FARP1: variants seen among roughly 807,000 people sequenced by gnomAD.
The protein encoded by FARP1 is FERM, ARH/RhoGEF and pleckstrin domain protein 1, also known as FERM, ARHGEF and pleckstrin domain-containing protein 1.
FARP1 carries 52 observed loss-of-function variants against 128.8 expected under a neutral mutation model. The ratio of observed to expected loss-of-function variants is 0.40; its 90% CI spans 0.32 to 0.51. The LOEUF is 0.51. Ranked by LOEUF, FARP1 falls within the 20% of genes least tolerant of loss-of-function variation. The pLI, the probability that FARP1 is intolerant of heterozygous loss-of-function variation, is 0.45. For missense variants in FARP1, 1,333 were observed against 1,367.9 expected, an observed-to-expected ratio of 0.97 and a Z score of 0.40; for synonymous variants, 580 against 551.8, an observed-to-expected ratio of 1.05 and a Z score of -0.72.
intron 1 of FARP1, among the ~76,000 whole-genome samples, chr13:98,178,226 C>A (rs1352483768): frequency 7.2e-6 from 1 of 139,128 alleles, no homozygotes; most frequent in Non-Finnish European, 1.5e-5. Flanking sequence ...GAAAGAGTCT[C>A]GCTCTGTCGC....
chr13:98,206,248 G>A (rs1880260570), intron 1 of FARP1, among the ~76,000 whole-genome samples: 1 of 149,900 alleles, frequency 6.7e-6, no homozygotes, highest in Non-Finnish European at 1.5e-5. Context: ...TCCCTTATTT[G>A]CTGAAACTTT....
At chr13:98,309,264 T>C (rs1178332848) in intron 2 of FARP1, among the ~76,000 whole-genome samples, 1 of 138,120 alleles carries the variant, frequency 7.2e-6, no homozygotes, top group Non-Finnish European at 1.5e-5. Context: ...CCTCCCGGGT[T>C]CACGCCATTC....
intron 2 of FARP1, among the ~76,000 whole-genome samples, chr13:98,265,343 G>A (rs1463329946): frequency 4.9e-5 from 5 of 102,142 alleles, no homozygotes; most frequent in African/African-American, 1.4e-4. Flanking sequence ...TTTTTGAGAC[G>A]GAGTCTCGCT....
chr13:98,170,015 TC>T (rs1249047922), intron 1 of FARP1, among the ~76,000 whole-genome samples: 1 of 152,170 alleles, frequency 6.6e-6, no homozygotes, highest in Non-Finnish European at 1.5e-5. Flanking sequence ...TTCAAATTAA[TC>T]TTTATAAACT....
chr13:98,356,218 G>A (rs772662750), intron 3 of FARP1, among the ~76,000 whole-genome samples: 21 of 152,228 alleles, frequency 1.4e-4, no homozygotes, highest in Middle Eastern at 3.4e-3. Context: ...ACAGTCATGC[G>A]TCACTTAACG....
chr13:98,374,419 T>C (rs1889488143), intron 5 of FARP1, among the ~76,000 whole-genome samples: 1 of 152,176 alleles, frequency 6.6e-6, no homozygotes, highest in Non-Finnish European at 1.5e-5. Context: ...AGCAAGACTC[T>C]GTCTCAATCA....
chr13:98,174,421 G>C (rs1001896775), intron 1 of FARP1, among the ~76,000 whole-genome samples: 5 of 152,200 alleles, frequency 3.3e-5, no homozygotes, highest in Non-Finnish European at 7.3e-5. Context: ...CCTGGAGCCA[G>C]AGCTTAGAGT....
intron 2 of FARP1, among the ~76,000 whole-genome samples, chr13:98,295,401 A>G (rs994358448): frequency 1.3e-5 from 2 of 152,200 alleles, no homozygotes; most frequent in African/African-American, 4.8e-5. Flanking sequence ...GACACAACCC[A>G]GGTTTGCTAT....
At chr13:98,411,756 GC>G in intron 15 of FARP1, 144 bp from the exon 16 acceptor site, 2 of 803,030 alleles carry the variant, frequency 2.5e-6, no homozygotes, top group Non-Finnish European at 2.0e-6. Context: ...GGCCCGGGCA[GC>G]CCCGTGTTCC....
intron 2 of FARP1, among the ~76,000 whole-genome samples, chr13:98,330,139 G>T (rs1053189604): frequency 6.6e-6 from 1 of 152,132 alleles, no homozygotes; most frequent in Non-Finnish European, 1.5e-5. Context: ...CCTGGAGGTG[G>T]GTGTGTGCCT....
chr13:98,412,008 G>A lies in FARP1; in HGVS notation c.1800G>A (p.Lys600=), dbSNP rs1292764864. The change falls in exon 16 of 27, where the codon AAG becomes AAA. Residue 600 remains lysine, a synonymous_variant. Transcript: ENST00000319562. Reference sequence around the variant, plus strand: ...ACAAATTTCATACTAATTTTCTCAAGGAAATTGAGCAACGACTTGCCCTGT... The same window carrying A: ...ACAAATTTCATACTAATTTTCTCAAAGAAATTGAGCAACGACTTGCCCTGT... The part of the protein sequence containing the change: ...PLHKFHTNFL[K]EIEQRLALWE... 6.2e-7 allele frequency: 1 copy of A among 1,613,996 alleles called. No homozygotes were observed. Among genetic ancestry groups the A allele is most frequent in the Non-Finnish European group, 8.5e-7 (1 of 1,179,994 alleles).
intron 2 of FARP1, among the ~76,000 whole-genome samples, chr13:98,289,804 G>T (rs1885364921): frequency 1.3e-5 from 2 of 152,148 alleles, no homozygotes; most frequent in African/African-American, 4.8e-5. Context: ...CGAAAGCCTG[G>T]CATCTGGGAC....
chr13:98,350,908 G>A (rs1888389773), intron 3 of FARP1, among the ~76,000 whole-genome samples: 1 of 152,022 alleles, frequency 6.6e-6, no homozygotes, highest in Non-Finnish European at 1.5e-5. Flanking sequence ...TCAGGGCCAG[G>A]TACCCACAAC....
chr13:98,279,423 C>T (rs569395109), intron 2 of FARP1, among the ~76,000 whole-genome samples: 3 of 152,182 alleles, frequency 2.0e-5, no homozygotes, highest in African/African-American at 7.2e-5. Context: ...CCATTTGAAA[C>T]AAATTCCACA....
chr13:98,430,934 C>T (rs1378468367), intron 17 of FARP1, 109 bp from the exon 18 acceptor site: 3 of 682,244 alleles, frequency 4.4e-6, no homozygotes, highest in Non-Finnish European at 7.9e-6. Context: ...TTAAACAAAT[C>T]GTGAAATAGA....
intron 5 of FARP1, among the ~76,000 whole-genome samples, chr13:98,371,988 C>T (rs1260478216): frequency 6.6e-5 from 10 of 152,130 alleles, no homozygotes; most frequent in South Asian, 4.2e-4. Context: ...TTGACAGCAG[C>T]ACCCAGACAC....
At chr13:98,437,593 C>T (rs1392158700) in intron 19 of FARP1, among the ~76,000 whole-genome samples, 5 of 151,978 alleles carry the variant, frequency 3.3e-5, no homozygotes, top group Admixed American at 2.6e-4. Flanking sequence ...GTGATAACGC[C>T]GCGGTTGCAG....
chr13:98,206,335 A>T (rs1880265401), intron 1 of FARP1, among the ~76,000 whole-genome samples: 1 of 152,120 alleles, frequency 6.6e-6, no homozygotes. Context: ...CTTCCTACAA[A>T]TATGGCTTGC....
chr13:98,238,531 G>A (rs996675708), intron 2 of FARP1, among the ~76,000 whole-genome samples: 1 of 152,226 alleles, frequency 6.6e-6, no homozygotes. Context: ...CATGGGTGGG[G>A]AGGCCTCACA....
Sources: allele counts gnomAD v4.1 joint callset (sites outside exome capture counted in the v4.1 genomes callset), GRCh38; gene constraint gnomAD v4.1.1; transcripts MANE v1.5; gene names NCBI Gene and HGNC (gene_info 2026-07-23, HGNC 2026-07-21).